The following TIAM2 variants were observed in gnomAD, a reference collection of about 807,000 sequenced individuals.
TIAM2 encodes the protein rho guanine nucleotide exchange factor TIAM2.
In TIAM2, 80 loss-of-function variants were observed where a neutral mutation model predicts 152.9. The observed-to-expected ratio is 0.52, with a 90% CI of 0.44 to 0.63. The LOEUF is 0.63. TIAM2 is among the 30% of genes least tolerant of loss of function. The pLI, the probability that TIAM2 is intolerant of heterozygous loss-of-function variation, is 0.00. For synonymous variants in TIAM2, 804 were observed against 838.0 expected (o/e 0.96, Z 0.70); for missense variants, 1,965 against 2,120.1 (o/e 0.93, Z 1.44).
intron 1 of TIAM2, among the ~76,000 whole-genome samples, chr6:155,070,418 T>C (rs996169412): frequency 6.6e-6 from 1 of 151,634 alleles, no homozygotes; most frequent in Non-Finnish European, 1.5e-5. Context: ...GGTTTCACCA[T>C]GTTGGCCAGG....
At chr6:155,069,911 CTTTTT>C (rs36093906) in intron 1 of TIAM2, among the ~76,000 whole-genome samples, 1 of 125,650 alleles carries the variant, frequency 8.0e-6, no homozygotes, top group Admixed American at 8.6e-5. Context: ...CATTTCTTTT[CTTTTT>C]TTTTTTTTTT....
At chr6:155,240,802 C>T in intron 16 of TIAM2, 93 bp downstream of exon 16, 1 of 1,306,638 alleles carries the variant, frequency 7.7e-7, no homozygotes, top group Middle Eastern at 2.2e-4. Flanking sequence ...CTGCCCAGGA[C>T]ACCTGCCACT....
At chr6:155,157,405 T>C (rs1315094102) in intron 7 of TIAM2, among the ~76,000 whole-genome samples, 1 of 152,170 alleles carries the variant, frequency 6.6e-6, no homozygotes, top group Non-Finnish European at 1.5e-5. Context: ...GTTTGTTGGA[T>C]GAGTAAATAG....
rs188544401 is a variant in TIAM2, at chr6:155,045,086, T to C, written c.-208-45203T>C. 2.4e-3 allele frequency among the ~76,000 whole-genome samples: 359 copies of C among 147,630 alleles called. 4 individuals are homozygous for C. Among genetic ancestry groups the C allele is most frequent in the African/African-American group, 8.4e-3 (334 of 39,848 alleles). ...TTTTTTTTGAGACAGAGTCTAGCACTGTTGCCTGGGCTGGAGTGCAGTGGC... is the reference window on the plus strand; with the variant it reads ...TTTTTTTTGAGACAGAGTCTAGCACCGTTGCCTGGGCTGGAGTGCAGTGGC... On this transcript the variant is annotated intron_variant, in intron 1 of 26. Coordinates refer to ENST00000682666, the MANE Select transcript of TIAM2 (RefSeq NM_012454.4).
intron 1 of TIAM2, among the ~76,000 whole-genome samples, chr6:155,026,545 G>GT (rs1776606158): frequency 6.6e-6 from 1 of 152,246 alleles, no homozygotes; most frequent in African/African-American, 2.4e-5. Context: ...GGCTGGATAT[G>GT]TTTTTGTAAT....
At chr6:155,248,235 C>A in intron 20 of TIAM2, 56 bp downstream of exon 20, 1 of 1,552,520 alleles carries the variant, frequency 6.4e-7, no homozygotes, top group Non-Finnish European at 8.7e-7. Context: ...CGAGGGGCTG[C>A]CAGCCGTGCC....
At position 155,129,043 on chromosome 6, in the gene TIAM2, G is replaced by C; in HGVS notation, c.-6-175G>C. 3.3e-6 allele frequency: 2 copies of C among 609,368 alleles called. No individual in the cohort carries two copies. The highest frequency in any genetic ancestry group is 4.1e-5 in the South Asian group (2 of 48,332). The allele number at this position is 609,368 out of a possible 1,614,324, so 37.7% of individuals were successfully genotyped here. On this transcript the variant is annotated intron_variant, in intron 3 of 26. Coordinates refer to ENST00000682666, the MANE Select transcript of TIAM2 (RefSeq NM_012454.4). The surrounding 1 kb of genome is among the most constrained non-coding windows in gnomAD (Gnocchi z 4.8). ...GTGTTGTCTGTCTAGCTAATGAGCA[G>C]CCTTGCAAAATAAGGAGAGCCTGTT...
chr6:155,077,180 A>ATTTT (rs773101084), intron 1 of TIAM2, among the ~76,000 whole-genome samples: 1 of 144,824 alleles, frequency 6.9e-6, no homozygotes, highest in African/African-American at 2.5e-5. Context: ...GTGATAAGTA[A>ATTTT]TTTTTTTTTT....
intron 2 of TIAM2, among the ~76,000 whole-genome samples, chr6:155,103,596 T>C (rs533723608): frequency 3.6e-4 from 54 of 151,370 alleles, no homozygotes; most frequent in Admixed American, 6.6e-4. Context: ...TGGTGGTGCA[T>C]GCCTGTGATC....
intron 1 of TIAM2, among the ~76,000 whole-genome samples, chr6:155,037,118 A>G (rs529425165): frequency 6.6e-5 from 10 of 152,320 alleles, no homozygotes; most frequent in African/African-American, 2.4e-4. Context: ...CAGGAGGAAC[A>G]TCTTTGGCGT....
Position 155,100,591 on chromosome 6 carries a change from C to G in TIAM2, c.-118+10212C>G, listed in dbSNP as rs144660210. Among the ~76,000 whole-genome samples the G allele has an allele frequency of 1.2e-4, 19 of 152,284 alleles. 1 individual carries two copies. In the East Asian group the frequency reaches 2.9e-3, roughly 23 times the overall value. ...TTCATTCATGCATGCAGTTACTTAA[C>G]ATGTATTTATTGGGTATTCACCATG... On this transcript the variant is annotated intron_variant, in intron 2 of 26. Coordinates refer to ENST00000682666, the MANE Select transcript of TIAM2 (RefSeq NM_012454.4).
chr6:155,066,678 T>C (rs1374418083), intron 1 of TIAM2, among the ~76,000 whole-genome samples: 1 of 152,182 alleles, frequency 6.6e-6, no homozygotes, highest in Non-Finnish European at 1.5e-5. Flanking sequence ...GGTGTGTGTA[T>C]ATATATAATT....
At chr6:155,148,597 AT>A (rs1779873405) in intron 7 of TIAM2, among the ~76,000 whole-genome samples, 2 of 152,118 alleles carry the variant, frequency 1.3e-5, no homozygotes, top group Non-Finnish European at 2.9e-5. Flanking sequence ...TTAATTCCTA[AT>A]TTGAATAGTG....
chr6:155,170,802 C>T (rs916571406), intron 9 of TIAM2, among the ~76,000 whole-genome samples: 1 of 152,084 alleles, frequency 6.6e-6, no homozygotes, highest in Non-Finnish European at 1.5e-5. Flanking sequence ...TTGTTTTACT[C>T]CTATTTGTTT....
intron 2 of TIAM2, among the ~76,000 whole-genome samples, chr6:155,098,524 T>C (rs182562764): frequency 6.6e-6 from 1 of 152,368 alleles, no homozygotes; most frequent in Non-Finnish European, 1.5e-5. Context: ...GTATGTTTAT[T>C]TTGTATCCTG....
chr6:155,032,231 C>A (rs760946556), intron 1 of TIAM2, among the ~76,000 whole-genome samples: 13 of 152,178 alleles, frequency 8.5e-5, no homozygotes, highest in Non-Finnish European at 1.9e-4. Context: ...CCTGTGCGAA[C>A]CTGCCTGCTT....
intron 1 of TIAM2, among the ~76,000 whole-genome samples, chr6:155,062,880 T>C (rs1053646766): frequency 1.3e-5 from 2 of 152,146 alleles, no homozygotes; most frequent in South Asian, 4.1e-4. Flanking sequence ...TGGCCTCTCC[T>C]TGTGGTTTTA....
intron 15 of TIAM2, among the ~76,000 whole-genome samples, chr6:155,225,401 T>C (rs893760540): frequency 4.2e-4 from 64 of 152,224 alleles, no homozygotes; most frequent in African/African-American, 1.3e-3. Flanking sequence ...TTGGGGCTTA[T>C]ACAGATGAGT....
intron 6 of TIAM2, 24 bp downstream of exon 6, chr6:155,144,802 G>GAGGT (rs1779786255): frequency 6.3e-7 from 1 of 1,593,598 alleles, no homozygotes; most frequent in East Asian, 2.3e-5. Flanking sequence ...TTTGTAAGTG[G>GAGGT]AGGTAATAGC....
Sources: gnomAD v4.1 joint callset for allele counts (sites outside exome capture counted in the v4.1 genomes callset) on GRCh38, gnomAD v4.1.1 for gene constraint, Gnocchi (gnomAD v3.1) non-coding constraint, MANE v1.5 for transcripts, NCBI Gene and HGNC (gene_info 2026-07-23, HGNC 2026-07-21) for gene names.